Variants in CEPT1 observed in about 807,000 individuals in gnomAD.
CEPT1 encodes the protein choline/ethanolamine phosphotransferase 1, also known as choline/ethanolaminephosphotransferase 1.
In CEPT1, 7 loss-of-function variants were observed where a neutral mutation model predicts 42.6. That is an observed-to-expected ratio of 0.16 (90% CI 0.09 to 0.31). CEPT1 has a LOEUF of 0.31. CEPT1 is among the 10% of genes least tolerant of loss of function. The probability of loss-of-function intolerance (pLI) is 1.00; values close to 1 mark genes in which losing one functional copy is unlikely to be tolerated. For synonymous variants in CEPT1, 171 were observed against 171.9 expected (o/e 0.99, Z 0.04); for missense variants, 306 against 502.1 (o/e 0.61, Z 3.73).
chr1:111,156,927 G>A (rs1157824097), intron 2 of CEPT1, among the ~76,000 whole-genome samples: 2 of 152,122 alleles, frequency 1.3e-5, no homozygotes, highest in Non-Finnish European at 2.9e-5. Context: ...TTGCTACATT[G>A]TGATAAGATT....
At chr1:111,160,791 G>A (rs1215812119) in intron 3 of CEPT1, 5 of 207,458 alleles carry the variant, frequency 2.4e-5, no homozygotes, top group African/African-American at 7.1e-5. Flanking sequence ...AAGTCGGTCC[G>A]TCTGGGGATT....
At chr1:111,150,915 A>G (rs1181697140) in intron 2 of CEPT1, among the ~76,000 whole-genome samples, 1 of 152,140 alleles carries the variant, frequency 6.6e-6, no homozygotes, top group Admixed American at 6.5e-5. Context: ...TTAGTGTCAT[A>G]AGTTAATTTG....
At chr1:111,154,750 A>G (rs548641040) in intron 2 of CEPT1, among the ~76,000 whole-genome samples, 1 of 152,294 alleles carries the variant, frequency 6.6e-6, no homozygotes, top group African/African-American at 2.4e-5. Context: ...TGATCATAGG[A>G]TCTTAGTTCT....
At chr1:111,142,413 CCTTT>C (rs1302036908) in intron 1 of CEPT1, among the ~76,000 whole-genome samples, 3 of 152,258 alleles carry the variant, frequency 2.0e-5, no homozygotes, top group East Asian at 1.9e-4. Flanking sequence ...TATATTTCAG[CCTTT>C]CTGTTTCATC....
At chr1:111,166,982 C>T (rs1656175010) in intron 4 of CEPT1, 1 of 206,510 alleles carries the variant, frequency 4.8e-6, no homozygotes, top group Admixed American at 6.5e-5. Flanking sequence ...ATCATTCCAT[C>T]TTTAGGTGTC....
intron 1 of CEPT1, chr1:111,140,627 G>A (rs952079067): frequency 6.6e-6 from 1 of 152,552 alleles, no homozygotes; most frequent in Admixed American, 6.5e-5. Context: ...GGGAAGAACC[G>A]TGGAGGGCCA....
intron 1 of CEPT1, among the ~76,000 whole-genome samples, chr1:111,144,934 A>T (rs745375031): frequency 6.6e-6 from 1 of 152,204 alleles, no homozygotes; most frequent in Non-Finnish European, 1.5e-5. Context: ...AGTTTTAATC[A>T]GTACCTTTGT....
intron 4 of CEPT1, among the ~76,000 whole-genome samples, chr1:111,164,631 G>C (rs1656040202): frequency 6.6e-6 from 1 of 151,638 alleles, no homozygotes. Context: ...GTTTTGTTTT[G>C]TTTTGTTTTT....
At chr1:111,157,611 C>T (rs1262763071) in intron 2 of CEPT1, among the ~76,000 whole-genome samples, 1 of 152,170 alleles carries the variant, frequency 6.6e-6, no homozygotes, top group Non-Finnish European at 1.5e-5. Context: ...AGTTCTTAGT[C>T]ATACAGGATT....
At chr1:111,182,376 ATT>A (rs1308217378) in intron 6 of CEPT1, 58 bp downstream of exon 6, 32 of 1,527,964 alleles carry the variant, frequency 2.1e-5, no homozygotes, top group Non-Finnish European at 2.8e-5. Flanking sequence ...TTTTGTTGTC[ATT>A]TTGTTTTTTA....
chr1:111,179,182 G>A (rs1316138390), intron 5 of CEPT1: 1 of 152,126 alleles, frequency 6.6e-6, no homozygotes, highest in African/African-American at 2.4e-5. Context: ...CATGACCTTT[G>A]TAATCTGGTA....
intron 4 of CEPT1, chr1:111,167,081 G>C (rs1656179969): frequency 1.0e-6 from 1 of 980,918 alleles, no homozygotes; most frequent in African/African-American, 1.8e-5. Flanking sequence ...AAGTTATTTT[G>C]AAATGTTTGT....
chr1:111,141,925 A>G (rs1346173232), intron 1 of CEPT1, among the ~76,000 whole-genome samples: 1 of 152,122 alleles, frequency 6.6e-6, no homozygotes, highest in African/African-American at 2.4e-5. Flanking sequence ...AAGACTGTAA[A>G]CATACTGCTG....
chr1:111,179,362 T>C (rs1656858447), intron 5 of CEPT1: 1 of 152,196 alleles, frequency 6.6e-6, no homozygotes, highest in African/African-American at 2.4e-5. Context: ...TCTTCCCAAC[T>C]CTTAAAGACT....
Position 111,147,996 on chromosome 1 carries a change from A to G in CEPT1, c.282A>G (p.Ser94=). ...ATCTCATCACCATCATTGGACTGTC[A>G]ATAAACATCTGTACAACTATTTTAT... The part of the protein sequence containing the change: ...APNLITIIGL[S]INICTTILLV... The change falls in exon 2 of 9, where the codon TCA becomes TCG. Residue 94 remains serine (S), a synonymous_variant. Transcript: ENST00000357172. The G allele has an allele frequency of 6.2e-7, 1 of 1,614,210 alleles. No individual in the cohort carries two copies. The highest frequency in any genetic ancestry group is 8.5e-7 in the Non-Finnish European group (1 of 1,180,042).
intron 2 of CEPT1, 119 bp from the exon 3 acceptor site, chr1:111,159,261 A>C: frequency 1.1e-6 from 1 of 893,128 alleles, no homozygotes; most frequent in Non-Finnish European, 1.8e-6. Flanking sequence ...ATTATGTAGC[A>C]CTTGGATCTT....
intron 2 of CEPT1, among the ~76,000 whole-genome samples, chr1:111,153,137 C>T (rs1655374782): frequency 6.6e-6 from 1 of 152,148 alleles, no homozygotes; most frequent in Non-Finnish European, 1.5e-5. Flanking sequence ...CCTCCTTACC[C>T]ATCCCAGCCT....
intron 8 of CEPT1, 38 bp from the exon 9 acceptor site, chr1:111,184,153 G>C: frequency 6.2e-7 from 1 of 1,609,704 alleles, no homozygotes; most frequent in Middle Eastern, 1.7e-4. Context: ...CTTAGGGAGA[G>C]CCTAAACGGG....
intron 4 of CEPT1, among the ~76,000 whole-genome samples, chr1:111,171,316 G>C (rs572009977): frequency 1.3e-5 from 2 of 152,272 alleles, no homozygotes; most frequent in African/African-American, 4.8e-5. Flanking sequence ...GCCTTGATCA[G>C]GGAGTTTTCT....
Sources: allele counts gnomAD v4.1 joint callset (sites outside exome capture counted in the v4.1 genomes callset), GRCh38; gene constraint gnomAD v4.1.1; transcripts MANE v1.5; gene names NCBI Gene and HGNC (gene_info 2026-07-23, HGNC 2026-07-21).